The following NGEF variants were observed in gnomAD, a reference collection of about 807,000 sequenced individuals.
NGEF encodes the protein neuronal guanine nucleotide exchange factor.
A neutral mutation model predicts 80.9 loss-of-function variants in NGEF; 31 were observed. The ratio of observed to expected loss-of-function variants is 0.38; its 90% CI spans 0.29 to 0.52. The LOEUF (loss-of-function observed/expected upper bound fraction) is 0.52. NGEF is among the 20% of genes least tolerant of loss of function. NGEF has a pLI of 0.84. For synonymous variants in NGEF, 371 were observed against 370.2 expected (o/e 1.00, Z -0.03); for missense variants, 709 against 926.2 (o/e 0.77, Z 3.04).
chr2:232,915,932 C>A (rs1315319870), intron 5 of NGEF, among the ~76,000 whole-genome samples: 1 of 152,178 alleles, frequency 6.6e-6, no homozygotes, highest in Non-Finnish European at 1.5e-5. Flanking sequence ...CTCAGGTGAT[C>A]TACCTGCCTT....
At chr2:232,983,044 A>T (rs1168071495) in intron 1 of NGEF, among the ~76,000 whole-genome samples, 1 of 152,256 alleles carries the variant, frequency 6.6e-6, no homozygotes, top group Non-Finnish European at 1.5e-5. Context: ...CCAATCAATC[A>T]CACAGGGAGA....
chr2:232,982,667 C>G (rs770528317), intron 1 of NGEF, among the ~76,000 whole-genome samples: 1 of 152,210 alleles, frequency 6.6e-6, no homozygotes, highest in Non-Finnish European at 1.5e-5. Flanking sequence ...GTGCCCGCTA[C>G]CACATCTGGC....
chr2:232,930,545 T>TA (rs199791727), intron 3 of NGEF, among the ~76,000 whole-genome samples: 3 of 41,204 alleles, frequency 7.3e-5, no homozygotes, highest in African/African-American at 1.9e-4. Context: ...GGTTTCACCA[T>TA]TTCGCCAGGC....
chr2:232,975,337 A>G (rs902479236), intron 1 of NGEF, among the ~76,000 whole-genome samples: 1 of 152,226 alleles, frequency 6.6e-6, no homozygotes, highest in Middle Eastern at 3.2e-3. Flanking sequence ...AGGAAAAGAA[A>G]GTCTCAGAAG....
Position 232,879,411 on chromosome 2 carries a change from C to T in NGEF, c.*78G>A, listed in dbSNP as rs1411464957. On this transcript the variant is annotated 3_prime_UTR_variant, in exon 15 of 15. Coordinates refer to ENST00000264051, the MANE Select transcript of NGEF (RefSeq NM_019850.3). The stretch of plus-strand genomic sequence containing the variant: ...CCACCTGGGGAGGTGCTGGCCTGTG[C>T]TTCCCAGAGCCCCCCCCCCCCCACC... The T allele has an allele frequency of 1.4e-6, 2 of 1,403,278 alleles. No individual in the cohort carries two copies. Among genetic ancestry groups the T allele is most frequent in the Non-Finnish European group, 9.6e-7 (1 of 1,046,722 alleles). 86.9% of individuals were successfully genotyped at this position (1,403,278 alleles called of 1,614,324 possible).
intron 5 of NGEF, among the ~76,000 whole-genome samples, chr2:232,906,784 T>G (rs577858031): frequency 0.024 from 3,598 of 151,492 alleles, 156 homozygotes; most frequent in African/African-American, 0.082. Flanking sequence ...ATGGTTGCGG[T>G]GTCTGTGTAG....
At chr2:232,912,063 A>C (rs543191164) in intron 5 of NGEF, among the ~76,000 whole-genome samples, 4 of 152,338 alleles carry the variant, frequency 2.6e-5, no homozygotes, top group East Asian at 3.9e-4. Context: ...GTGAAGGAAC[A>C]GACAGCCTTC....
chr2:232,928,221 GC>G, intron 3 of NGEF: 2 of 849,102 alleles, frequency 2.4e-6, no homozygotes, highest in Non-Finnish European at 2.8e-6. Context: ...GGAGGGGCGC[GC>G]GCGGCGGGGG....
chr2:232,894,985 G>C (rs938569), intron 5 of NGEF, 69 bp from the exon 6 acceptor site: 444,603 of 1,491,772 alleles, frequency 0.3, 67,936 homozygotes, highest in Admixed American at 0.39. Context: ...CCTTGGCTGA[G>C]ACAGAGGAGC....
intron 1 of NGEF, among the ~76,000 whole-genome samples, chr2:232,979,288 C>G (rs1355028804): frequency 1.3e-5 from 2 of 151,354 alleles, no homozygotes; most frequent in African/African-American, 4.9e-5. Flanking sequence ...GATTGTCCTC[C>G]CTGAAATGAG....
chr2:232,935,873 A>G (rs1157884414), intron 3 of NGEF, among the ~76,000 whole-genome samples: 2 of 152,198 alleles, frequency 1.3e-5, no homozygotes, highest in South Asian at 4.1e-4. Context: ...TCTCAAATAT[A>G]TATAGGAAAT....
At chr2:232,919,297 C>A (rs1334903316) in intron 5 of NGEF, among the ~76,000 whole-genome samples, 1 of 151,902 alleles carries the variant, frequency 6.6e-6, no homozygotes, top group East Asian at 1.9e-4. Context: ...ACTTTTGGAA[C>A]CACAGCTGCC....
At chr2:232,978,245 C>A (rs1694337699) in intron 1 of NGEF, among the ~76,000 whole-genome samples, 1 of 151,842 alleles carries the variant, frequency 6.6e-6, no homozygotes, top group Admixed American at 6.6e-5. Context: ...AGGGGCTGGG[C>A]ATGGTGGCTC....
chr2:232,924,974 C>T (rs1001249103), intron 4 of NGEF, among the ~76,000 whole-genome samples: 1 of 152,178 alleles, frequency 6.6e-6, no homozygotes, highest in African/African-American at 2.4e-5. Context: ...ATTCAGATTA[C>T]AAAACGAATA....
chr2:232,923,828 C>G (rs1412900318), intron 4 of NGEF, among the ~76,000 whole-genome samples: 1 of 152,150 alleles, frequency 6.6e-6, no homozygotes, highest in Non-Finnish European at 1.5e-5. Context: ...CCCCCAGATT[C>G]GTATGTTGGA....
intron 2 of NGEF, among the ~76,000 whole-genome samples, chr2:232,971,518 C>T (rs1694183864): frequency 6.6e-6 from 1 of 152,122 alleles, no homozygotes; most frequent in Admixed American, 6.6e-5. Flanking sequence ...AACCCTGTCT[C>T]TACTAAAAAT....
intron 3 of NGEF, 57 bp from the exon 4 acceptor site, chr2:232,927,243 G>T: frequency 6.7e-7 from 1 of 1,495,812 alleles, no homozygotes; most frequent in East Asian, 2.3e-5. Flanking sequence ...ATTCACCTCG[G>T]CTGGCTAGCG....
At chr2:232,924,979 C>T (rs565711360) in intron 4 of NGEF, among the ~76,000 whole-genome samples, 132 of 152,240 alleles carry the variant, frequency 8.7e-4, no homozygotes, top group African/African-American at 3.1e-3. Context: ...GATTACAAAA[C>T]GAATAAGTTT....
intron 5 of NGEF, among the ~76,000 whole-genome samples, chr2:232,899,048 A>G (rs1210869352): frequency 7.3e-6 from 1 of 137,610 alleles, no homozygotes; most frequent in Non-Finnish European, 1.7e-5. Context: ...GTGGGTGTGG[A>G]TGTGTGGATG....
Sources: gnomAD v4.1 joint callset for allele counts (sites outside exome capture counted in the v4.1 genomes callset) on GRCh38, gnomAD v4.1.1 for gene constraint, MANE v1.5 for transcripts, NCBI Gene and HGNC (gene_info 2026-07-23, HGNC 2026-07-21) for gene names.